Variants in CACNA1E observed in about 807,000 individuals in gnomAD.
The protein encoded by CACNA1E is calcium voltage-gated channel subunit alpha1 E, also known as voltage-dependent R-type calcium channel subunit alpha-1E.
A neutral mutation model predicts 259.2 loss-of-function variants in CACNA1E; 40 were observed. The ratio of observed to expected loss-of-function variants is 0.15; its 90% confidence interval spans 0.12 to 0.20. The LOEUF is 0.20. Ranked by LOEUF, CACNA1E falls within the 10% of genes least tolerant of loss-of-function variation. The pLI, the probability that CACNA1E is intolerant of heterozygous loss-of-function variation, is 1.00. For missense variants in CACNA1E, 1,874 were observed against 3,040.1 expected (o/e 0.62, Z 9.02); for synonymous variants, 1,104 against 1,138.5 (o/e 0.97, Z 0.61).
intron 1 of CACNA1E, among the ~76,000 whole-genome samples, chr1:181,356,340 T>TCG (rs200585810): frequency 3.0e-5 from 4 of 133,696 alleles, no homozygotes; most frequent in African/African-American, 8.5e-5. Flanking sequence ...TGCCTTCTAT[T>TCG]CGTGTGTGTG....
chr1:181,446,344 C>G (rs1414444203), intron 2 of CACNA1E, among the ~76,000 whole-genome samples: 1 of 152,176 alleles, frequency 6.6e-6, no homozygotes, highest in African/African-American at 2.4e-5. Flanking sequence ...TGCTTGGTGC[C>G]AAGGGTTTCA....
At position 181,580,819 on chromosome 1, in the gene CACNA1E, C is replaced by T. The variant is rs747832450; in HGVS notation, c.951+43C>T. 4 of 1,582,610 alleles carry T rather than the reference C, an allele frequency of 2.5e-6. No individual in the cohort carries two copies. The South Asian group carries it at 4.4e-5, about 18-fold the overall frequency. ...GGACCTGGAAGGAGGAGGGAAGAACCCTGGATGGAGGCTTCTGTGGTTGTT... is the reference window on the plus strand; with the variant it reads ...GGACCTGGAAGGAGGAGGGAAGAACTCTGGATGGAGGCTTCTGTGGTTGTT... On this transcript the variant is annotated intron_variant, in intron 6 of 47. Transcript: ENST00000367573.
intron 6 of CACNA1E, among the ~76,000 whole-genome samples, chr1:181,609,083 T>A (rs1479228981): frequency 6.6e-6 from 1 of 152,190 alleles, no homozygotes; most frequent in Non-Finnish European, 1.5e-5. Context: ...ACATTTTTCT[T>A]CCTTAGCACC....
intron 3 of CACNA1E, among the ~76,000 whole-genome samples, chr1:181,555,820 A>G (rs1648656861): frequency 6.6e-6 from 1 of 152,218 alleles, no homozygotes; most frequent in Non-Finnish European, 1.5e-5. Flanking sequence ...TGAATAAGTG[A>G]AGGGAGAATT....
chr1:181,545,007 AC>A (rs1647291667), intron 3 of CACNA1E, among the ~76,000 whole-genome samples: 1 of 152,052 alleles, frequency 6.6e-6, no homozygotes, highest in South Asian at 2.1e-4. Context: ...ATTTGGCCCT[AC>A]CCCCAGAGGG....
intron 29 of CACNA1E, 25 bp downstream of exon 29, chr1:181,756,118 G>A (rs367855493): frequency 2.1e-5 from 33 of 1,593,098 alleles, no homozygotes; most frequent in Non-Finnish European, 2.6e-5. Flanking sequence ...TGTCATGCTT[G>A]TCTGTGGCTG....
intron 3 of CACNA1E, among the ~76,000 whole-genome samples, chr1:181,567,257 C>T (rs1649934101): frequency 6.6e-6 from 1 of 152,162 alleles, no homozygotes; most frequent in Admixed American, 6.5e-5. Flanking sequence ...TCTTTATTCC[C>T]TCCTAGAAAT....
intron 34 of CACNA1E, among the ~76,000 whole-genome samples, 197 bp from the exon 35 acceptor site, chr1:181,766,349 G>A (rs999589657): frequency 6.6e-6 from 1 of 152,108 alleles, no homozygotes; most frequent in African/African-American, 2.4e-5. Context: ...TTGGCCAACT[G>A]TTTACCTATC....
At chr1:181,596,097 G>A (rs931013367) in intron 6 of CACNA1E, among the ~76,000 whole-genome samples, 1 of 152,184 alleles carries the variant, frequency 6.6e-6, no homozygotes, top group African/African-American at 2.4e-5. Flanking sequence ...GGAGAAAGAT[G>A]GGAGATTGGG....
intron 1 of CACNA1E, among the ~76,000 whole-genome samples, chr1:181,360,265 C>A (rs965599850): frequency 5.9e-5 from 9 of 152,214 alleles, no homozygotes; most frequent in Admixed American, 3.3e-4. Context: ...CCCAAAGAAC[C>A]AATAACATAT....
At chr1:181,409,736 G>C (rs909864958) in intron 1 of CACNA1E, among the ~76,000 whole-genome samples, 1 of 152,166 alleles carries the variant, frequency 6.6e-6, no homozygotes, top group Admixed American at 6.5e-5. Context: ...GGGGGCAACA[G>C]ACCCTCCTGG....
intron 18 of CACNA1E, among the ~76,000 whole-genome samples, chr1:181,727,475 C>CAA: frequency 6.6e-6 from 1 of 152,342 alleles, no homozygotes; most frequent in East Asian, 1.9e-4. Context: ...GAGCCATTTT[C>CAA]GTGGCCAGGT....
intron 6 of CACNA1E, among the ~76,000 whole-genome samples, chr1:181,625,046 T>A (rs995922770): frequency 1.3e-5 from 1 of 75,392 alleles, no homozygotes; most frequent in Admixed American, 2.4e-4. Context: ...TTGAAAGGAA[T>A]CTTTTTTTTT....
At chr1:181,587,520 A>G (rs147324909) in intron 6 of CACNA1E, among the ~76,000 whole-genome samples, 24 of 152,318 alleles carry the variant, frequency 1.6e-4, no homozygotes, top group African/African-American at 5.8e-4. Context: ...GAGCTGGATA[A>G]AGAGCAAAGA....
chr1:181,670,088 C>T (rs1349902905), intron 7 of CACNA1E, among the ~76,000 whole-genome samples: 5 of 152,116 alleles, frequency 3.3e-5, no homozygotes, highest in Non-Finnish European at 7.4e-5. Context: ...TTTTTCTGGT[C>T]TATAGAACCT....
At chr1:181,668,737 A>C (rs1001086586) in intron 7 of CACNA1E, 1 of 152,174 alleles carries the variant, frequency 6.6e-6, no homozygotes, top group South Asian at 2.1e-4. Context: ...TAAGACAATA[A>C]TGTAGACCCA....
At chr1:181,512,560 G>A (rs1275478263) in intron 3 of CACNA1E, among the ~76,000 whole-genome samples, 1 of 152,236 alleles carries the variant, frequency 6.6e-6, no homozygotes, top group African/African-American at 2.4e-5. Flanking sequence ...TAAAGTCTTA[G>A]AAGGAAGGGT....
chr1:181,535,856 T>C (rs1668132776), intron 3 of CACNA1E, among the ~76,000 whole-genome samples: 2 of 152,014 alleles, frequency 1.3e-5, no homozygotes, highest in Admixed American at 1.3e-4. Context: ...CCGGCTAATT[T>C]TTGTATTTTT....
Position 181,544,424 on chromosome 1 carries a change from G to A in CACNA1E, c.512+32914G>A, listed in dbSNP as rs113394407. 4.9e-3 allele frequency among the ~76,000 whole-genome samples: 745 copies of A among 151,358 alleles called. 2 individuals carry two copies. The highest frequency in any genetic ancestry group is 0.027 in the Middle Eastern group (8 of 292). Reference sequence around the variant, plus strand: ...CTAAAAAAAAAAACCCCACTGAATTGTACGCTTTAGAAGGGTAAATTATGT... The same window carrying A: ...CTAAAAAAAAAAACCCCACTGAATTATACGCTTTAGAAGGGTAAATTATGT... On this transcript the variant is annotated intron_variant, in intron 3 of 47. Transcript: ENST00000367573.
Sources: gnomAD v4.1 joint callset for allele counts (sites outside exome capture counted in the v4.1 genomes callset) on GRCh38, gnomAD v4.1.1 for gene constraint, MANE v1.5 for transcripts, NCBI Gene and HGNC (gene_info 2026-07-23, HGNC 2026-07-21) for gene names.